Variants in GRID2 observed in about 807,000 individuals in gnomAD.
GRID2 encodes glutamate receptor ionotropic, delta-2.
Under a neutral mutation model 114.8 loss-of-function variants are expected in GRID2, and 33 were observed. That is an observed-to-expected ratio of 0.29 (90% CI 0.22 to 0.38). The LOEUF is 0.38. Among genes scored for constraint, GRID2 ranks in the 10% least tolerant of loss-of-function variants. GRID2 has a pLI of 1.00. For synonymous variants in GRID2, 505 were observed against 449.9 expected, an observed-to-expected ratio of 1.12 and a Z score of -1.55; for missense variants, 1,184 against 1,257.7, an observed-to-expected ratio of 0.94 and a Z score of 0.89.
In GRID2 at chr4:93,434,615, C is replaced by G. The variant is rs367801311; in HGVS notation, c.1545+11647C>G. Among the ~76,000 whole-genome samples the G allele has an allele frequency of 5.0e-4, 76 of 152,186 alleles. 1 individual carries two copies. The highest frequency in any genetic ancestry group is 1.8e-3 in the African/African-American group (74 of 41,554). ...CCCAGCTCCACTCACTATCTTGTTC[C>G]TAGCCACAATTATCTCTTCTCTGGA... On this transcript the variant is annotated intron_variant, in intron 10 of 15. Transcript: ENST00000282020.
At chr4:92,931,696 A>C (rs1750251635) in intron 2 of GRID2, among the ~76,000 whole-genome samples, 1 of 150,694 alleles carries the variant, frequency 6.6e-6, no homozygotes, top group Admixed American at 6.7e-5. Context: ...AAAAAAAAAA[A>C]GTTTGAATAC....
chr4:92,485,583 G>A (rs1722846120), intron 1 of GRID2, among the ~76,000 whole-genome samples: 1 of 151,392 alleles, frequency 6.6e-6, no homozygotes. Context: ...CCAGCTACTT[G>A]GTAGGATGAG....
chr4:93,267,022 G>T (rs1018779827), intron 8 of GRID2, among the ~76,000 whole-genome samples: 13 of 125,480 alleles, frequency 1.0e-4, no homozygotes, highest in African/African-American at 3.4e-4. Context: ...GTGTCCACTT[G>T]TGAGAACATG....
rs147271907 is a variant in GRID2, at chr4:93,767,103, T to C, written c.2361-2107T>C. On this transcript the variant is annotated intron_variant, in intron 14 of 15. Coordinates refer to ENST00000282020, the MANE Select transcript of GRID2 (RefSeq NM_001510.4). ...GAGATTATTTCCCATGTGTATTTCTTAAACCTGTTACTTGGAAAGCAAAAT... is the reference window on the plus strand; with the variant it reads ...GAGATTATTTCCCATGTGTATTTCTCAAACCTGTTACTTGGAAAGCAAAAT... Among the ~76,000 whole-genome samples the C allele has an allele frequency of 2.1e-3, 320 of 152,316 alleles. 2 individuals are homozygous for C. The highest frequency in any genetic ancestry group is 6.7e-3 in the African/African-American group (279 of 41,582).
At chr4:92,892,436 T>C (rs1746860197) in intron 2 of GRID2, among the ~76,000 whole-genome samples, 1 of 152,182 alleles carries the variant, frequency 6.6e-6, no homozygotes, top group African/African-American at 2.4e-5. Flanking sequence ...GGGTAAATGA[T>C]TTCAAATACA....
chr4:93,237,215 C>T (rs191122782), intron 7 of GRID2, among the ~76,000 whole-genome samples: 162 of 151,870 alleles, frequency 1.1e-3, no homozygotes, highest in Non-Finnish European at 1.1e-3. Flanking sequence ...ATAATAGAAA[C>T]TGGCTGATTA....
At chr4:92,478,531 G>A (rs6831965) in intron 1 of GRID2, among the ~76,000 whole-genome samples, 6,235 of 152,132 alleles carry the variant, frequency 0.041, 161 homozygotes, top group Middle Eastern at 0.088. Context: ...GAAGCTGTAT[G>A]CTCATATTTA....
intron 14 of GRID2, among the ~76,000 whole-genome samples, chr4:93,662,924 G>T (rs527594967): frequency 1.2e-4 from 19 of 152,280 alleles, no homozygotes; most frequent in African/African-American, 4.6e-4. Flanking sequence ...GACATAGCTT[G>T]TTTAAATCCT....
intron 10 of GRID2, among the ~76,000 whole-genome samples, chr4:93,442,472 T>TAC (rs1721710542): frequency 6.6e-6 from 1 of 152,074 alleles, no homozygotes; most frequent in Non-Finnish European, 1.5e-5. Flanking sequence ...CTGGTAACTT[T>TAC]TTCCCCCACT....
At chr4:93,007,378 T>C (rs1436935373) in intron 2 of GRID2, among the ~76,000 whole-genome samples, 1 of 152,004 alleles carries the variant, frequency 6.6e-6, no homozygotes, top group Non-Finnish European at 1.5e-5. Context: ...GGCAAACAGA[T>C]CAAATTACTT....
At chr4:93,505,372 A>G (rs1412019427) in intron 12 of GRID2, among the ~76,000 whole-genome samples, 1 of 151,994 alleles carries the variant, frequency 6.6e-6, no homozygotes, top group Non-Finnish European at 1.5e-5. Context: ...TTTTACAATC[A>G]TCCTATAATC....
At chr4:93,080,677 A>G (rs1322253240) in intron 2 of GRID2, among the ~76,000 whole-genome samples, 1 of 152,210 alleles carries the variant, frequency 6.6e-6, no homozygotes, top group East Asian at 1.9e-4. Flanking sequence ...AGAACCTGTC[A>G]TATACATTCT....
chr4:92,440,665 G>C (rs1471791138), intron 1 of GRID2, among the ~76,000 whole-genome samples: 1 of 152,034 alleles, frequency 6.6e-6, no homozygotes, highest in Non-Finnish European at 1.5e-5. Context: ...TTGTACTATA[G>C]CATAACCTGC....
chr4:92,348,842 G>A (rs1727917934), intron 1 of GRID2, among the ~76,000 whole-genome samples: 1 of 152,104 alleles, frequency 6.6e-6, no homozygotes, highest in African/African-American at 2.4e-5. Flanking sequence ...TGGAATTATA[G>A]TAGAAAGAAA....
chr4:93,107,970 C>G (rs1470064177), intron 3 of GRID2, among the ~76,000 whole-genome samples: 3 of 152,102 alleles, frequency 2.0e-5, no homozygotes, highest in Non-Finnish European at 4.4e-5. Flanking sequence ...ATCTACATAA[C>G]CTGACTCTTC....
chr4:92,976,118 T>C (rs566314020), intron 2 of GRID2, among the ~76,000 whole-genome samples: 59 of 152,212 alleles, frequency 3.9e-4, no homozygotes, highest in Non-Finnish European at 6.8e-4. Context: ...TACTCAATCA[T>C]AGACTGTTGA....
intron 1 of GRID2, among the ~76,000 whole-genome samples, chr4:92,503,349 A>G (rs1253077422): frequency 6.6e-6 from 1 of 152,112 alleles, no homozygotes; most frequent in Non-Finnish European, 1.5e-5. Flanking sequence ...GAATTAAGTT[A>G]TCAAGATACA....
chr4:92,826,714 C>T (rs1028420178), intron 2 of GRID2, among the ~76,000 whole-genome samples: 1 of 152,102 alleles, frequency 6.6e-6, no homozygotes, highest in Non-Finnish European at 1.5e-5. Flanking sequence ...AGATAACCAA[C>T]ATATTTAAAT....
intron 12 of GRID2, among the ~76,000 whole-genome samples, chr4:93,514,422 T>TAC (rs56718347): frequency 0.064 from 8,920 of 139,644 alleles, 590 homozygotes; most frequent in African/African-American, 0.18. Flanking sequence ...ACCTCCACAG[T>TAC]ACACACACAC....
Sources: gnomAD v4.1 joint callset for allele counts (sites outside exome capture counted in the v4.1 genomes callset) on GRCh38, gnomAD v4.1.1 for gene constraint, MANE v1.5 for transcripts, NCBI Gene and HGNC (gene_info 2026-07-23, HGNC 2026-07-21) for gene names.